The following VWC2 variants were observed in gnomAD, a reference collection of about 807,000 sequenced individuals.
VWC2 encodes the protein von Willebrand factor C domain containing 2, also known as brorin.
A neutral mutation model predicts 29.8 loss-of-function variants in VWC2; 14 were observed. The observed-to-expected ratio is 0.47, with a 90% CI of 0.31 to 0.74. The LOEUF is 0.74. Ranked by LOEUF, VWC2 falls within the 30% of genes least tolerant of loss-of-function variation. The pLI is 0.05. For synonymous variants in VWC2, 213 were observed against 199.0 expected, an observed-to-expected ratio of 1.07 and a Z score of -0.59; for missense variants, 457 against 459.8, an observed-to-expected ratio of 0.99 and a Z score of 0.05.
intron 3 of VWC2, among the ~76,000 whole-genome samples, chr7:49,842,288 A>T (rs1789814035): frequency 6.6e-6 from 1 of 152,210 alleles, no homozygotes; most frequent in African/African-American, 2.4e-5. Context: ...CTCATGAGAG[A>T]TGTTATCATT....
chr7:49,845,704 T>C (rs1161689137), intron 3 of VWC2, among the ~76,000 whole-genome samples: 1 of 152,196 alleles, frequency 6.6e-6, no homozygotes, highest in Non-Finnish European at 1.5e-5. Context: ...TAAAAGACCT[T>C]GACATTGTAA....
intron 2 of VWC2, among the ~76,000 whole-genome samples, chr7:49,787,376 T>A (rs540088976): frequency 9.9e-5 from 15 of 152,246 alleles, no homozygotes; most frequent in Non-Finnish European, 1.6e-4. Flanking sequence ...AATATTTTTG[T>A]TTTAGAAAGC....
rs189147711 is a variant in VWC2 at position 49,915,044 on chromosome 7, T to C, written c.*2859T>C. On this transcript the variant is annotated 3_prime_UTR_variant, in exon 4 of 4. Transcript: ENST00000340652. The stretch of plus-strand genomic sequence containing the variant: ...AGATCTGAAAGTATAAAGCTACTTA[T>C]GTAAGCAATAGAATGGTTCTGGAAA... The C allele has an allele frequency of 6.6e-6, 1 of 152,338 alleles. No homozygotes were observed. The highest frequency in any genetic ancestry group is 2.4e-5 in the African/African-American group (1 of 41,592). 9.4% of individuals were successfully genotyped at this position (152,338 alleles called of 1,614,324 possible).
intron 3 of VWC2, among the ~76,000 whole-genome samples, chr7:49,853,481 G>T (rs920686430): frequency 6.6e-6 from 1 of 152,072 alleles, no homozygotes; most frequent in African/African-American, 2.4e-5. Context: ...CTGCCCTCCA[G>T]TGTCTTACAG....
intron 3 of VWC2, among the ~76,000 whole-genome samples, chr7:49,895,420 G>A (rs184352536): frequency 6.6e-6 from 1 of 152,242 alleles, no homozygotes; most frequent in Admixed American, 6.5e-5. Context: ...AGTGAGCAGG[G>A]TGGACATACT....
rs138716606 is a variant in VWC2 at position 49,912,888 on chromosome 7, A to G, written c.*703A>G. Reference sequence around the variant, plus strand: ...ATAGGTAAGCACATACATATATTTCATTCTTATTTACATTATTTTCTCTTC... The same window carrying G: ...ATAGGTAAGCACATACATATATTTCGTTCTTATTTACATTATTTTCTCTTC... On this transcript the variant is annotated 3_prime_UTR_variant, in exon 4 of 4. Transcript: ENST00000340652. 42 of 152,214 alleles carry G rather than the reference A, an allele frequency of 2.8e-4. No individual in the cohort carries two copies. Among genetic ancestry groups the G allele is most frequent in the African/African-American group, 9.9e-4 (41 of 41,530 alleles). The allele number at this position is 152,214 out of a possible 1,614,324, so 9.4% of individuals were successfully genotyped here. A position where few individuals can be genotyped will look rare whatever the true frequency, so the allele number is the denominator to read the frequency against.
intron 3 of VWC2, among the ~76,000 whole-genome samples, chr7:49,875,962 AT>A (rs1163984512): frequency 2.0e-4 from 31 of 152,170 alleles, no homozygotes; most frequent in African/African-American, 7.2e-4. Flanking sequence ...AGTCGAAGAA[AT>A]TGGTGTTGCA....
chr7:49,900,642 A>G (rs916153324), intron 3 of VWC2, among the ~76,000 whole-genome samples: 2 of 151,844 alleles, frequency 1.3e-5, no homozygotes, highest in Non-Finnish European at 3.0e-5. Flanking sequence ...CTATATATAT[A>G]AAAGAGATAT....
intron 2 of VWC2, among the ~76,000 whole-genome samples, chr7:49,792,533 G>A (rs558480589): frequency 6.6e-6 from 1 of 152,204 alleles, no homozygotes; most frequent in Admixed American, 6.5e-5. Context: ...TGGAAGCTCA[G>A]GAAGGAAAAA....
chr7:49,880,852 T>C (rs1156305858), intron 3 of VWC2, among the ~76,000 whole-genome samples: 1 of 152,134 alleles, frequency 6.6e-6, no homozygotes, highest in Non-Finnish European at 1.5e-5. Context: ...TTTTTGCCTA[T>C]GACATGGAAT....
intron 3 of VWC2, among the ~76,000 whole-genome samples, chr7:49,840,765 ACT>A (rs1379947510): frequency 1.3e-5 from 2 of 151,596 alleles, no homozygotes; most frequent in South Asian, 2.1e-4. Flanking sequence ...ATTCAAGAAA[ACT>A]CTCCAAAATC....
intron 3 of VWC2, among the ~76,000 whole-genome samples, chr7:49,848,530 C>T (rs1790050504): frequency 6.6e-6 from 1 of 152,224 alleles, no homozygotes; most frequent in South Asian, 2.1e-4. Context: ...GGTGTGTCTC[C>T]TGTAGCTGTG....
At chr7:49,857,594 G>A (rs566355103) in intron 3 of VWC2, among the ~76,000 whole-genome samples, 2 of 152,106 alleles carry the variant, frequency 1.3e-5, no homozygotes, top group Non-Finnish European at 2.9e-5. Flanking sequence ...TAAAACCTCC[G>A]TGAGACATTA....
chr7:49,860,472 T>C (rs971390055), intron 3 of VWC2, among the ~76,000 whole-genome samples: 3 of 152,232 alleles, frequency 2.0e-5, no homozygotes, highest in Admixed American at 6.5e-5. Context: ...ATTGTATGTA[T>C]ATGCCGTGAT....
intron 3 of VWC2, among the ~76,000 whole-genome samples, chr7:49,880,496 CTTT>C (rs1390944990): frequency 6.6e-6 from 1 of 151,610 alleles, no homozygotes; most frequent in African/African-American, 2.4e-5. Context: ...AATTCAGCTT[CTTT>C]ATTAGATATC....
intron 3 of VWC2, among the ~76,000 whole-genome samples, chr7:49,825,164 G>C (rs1018873846): frequency 1.3e-5 from 2 of 151,908 alleles, no homozygotes; most frequent in African/African-American, 4.8e-5. Context: ...TTTCATTTCA[G>C]TTATTGTACT....
intron 3 of VWC2, among the ~76,000 whole-genome samples, chr7:49,903,470 T>G (rs1041177047): frequency 6.6e-6 from 1 of 152,200 alleles, no homozygotes; most frequent in Non-Finnish European, 1.5e-5. Context: ...ATGCTGAGTT[T>G]TAAAAGCCAA....
At position 49,776,813 on chromosome 7, in the gene VWC2, A is replaced by G. The variant is rs186308685; in HGVS notation, c.696+682A>G. On this transcript the variant is annotated intron_variant, in intron 2 of 3. Transcript: ENST00000340652. Reference sequence around the variant, plus strand: ...ATGTACGTTAGTTAAATCTCATCCCATGCTAGGAGGTGGATTATTATCCAT... The same window carrying G: ...ATGTACGTTAGTTAAATCTCATCCCGTGCTAGGAGGTGGATTATTATCCAT... 1.4e-3 allele frequency among the ~76,000 whole-genome samples: 217 copies of G among 152,334 alleles called. 1 individual carries two copies. The highest frequency in any genetic ancestry group is 4.8e-3 in the African/African-American group (200 of 41,572).
At position 49,784,681 on chromosome 7, in the gene VWC2, A is replaced by G. The variant is rs188741235; in HGVS notation, c.696+8550A>G. Among the ~76,000 whole-genome samples the G allele has an allele frequency of 2.3e-4, 35 of 152,350 alleles. No individual in the cohort carries two copies. The South Asian group carries it at 6.6e-3, about 29-fold the overall frequency. ...TTTGTGTTTTCCCCAAGTCATTGCC[A>G]TCTGTAGCAGGCTTACCCTCTTATG... On this transcript the variant is annotated intron_variant, in intron 2 of 3. Transcript: ENST00000340652.
Sources: gnomAD v4.1 joint callset for allele counts (sites outside exome capture counted in the v4.1 genomes callset) on GRCh38, gnomAD v4.1.1 for gene constraint, MANE v1.5 for transcripts, NCBI Gene and HGNC (gene_info 2026-07-23, HGNC 2026-07-21) for gene names.